The following ATP6V0A1 variants were observed in gnomAD, a reference collection of about 807,000 sequenced individuals.
ATP6V0A1 encodes the protein ATPase H+ transporting V0 subunit a1.
In ATP6V0A1, 43 loss-of-function variants were observed where a neutral mutation model predicts 105.4. The ratio of observed to expected loss-of-function variants is 0.41; its 90% CI spans 0.32 to 0.53. The LOEUF (loss-of-function observed/expected upper bound fraction) is 0.53, where lower values mean the gene tolerates loss of function less well. ATP6V0A1 is among the 20% of genes least tolerant of loss of function. ATP6V0A1 has a pLI of 0.30. For synonymous variants in ATP6V0A1, 362 were observed against 372.8 expected (o/e 0.97, Z 0.33); for missense variants, 676 against 1,051.1 (o/e 0.64, Z 4.93).
chr17:42,467,982 C>T, intron 3 of ATP6V0A1, 28 bp from the exon 4 acceptor site: 2 of 1,511,652 alleles, frequency 1.3e-6, no homozygotes, highest in Admixed American at 3.5e-5. Flanking sequence ...TGCAGTTAGA[C>T]ATGAATGTTT....
Position 42,494,453 on chromosome 17 carries a change from T to A in ATP6V0A1, c.1294T>A (p.Ser432Thr), listed in dbSNP as rs1317586374. Residue 432 changes from serine to threonine, a missense_variant, in exon 12 of 22, where the codon TCC becomes ACC. By Grantham distance (58) the Ser-to-Thr change is moderately conservative. Transcript: ENST00000343619. ...WMVLRESRILSQKNENEMFST... is the reference protein window; with the variant it reads ...WMVLRESRILTQKNENEMFST... ...GGTACTGAGGGAGAGCCGGATCCTTTCCCAGAAGAATGAGAATGAGGTAAT... is the reference window on the plus strand; with the variant it reads ...GGTACTGAGGGAGAGCCGGATCCTTACCCAGAAGAATGAGAATGAGGTAAT... 1 of 1,612,846 alleles carries A rather than the reference T, an allele frequency of 6.2e-7. No homozygotes were observed. The highest frequency in any genetic ancestry group is 1.3e-5 in the African/African-American group (1 of 74,874).
intron 17 of ATP6V0A1, 161 bp from the exon 18 acceptor site, chr17:42,507,359 C>G (rs890802979): frequency 8.8e-6 from 5 of 568,252 alleles, no homozygotes; most frequent in African/African-American, 7.6e-5. Flanking sequence ...TGGGGTGGAA[C>G]AGTTGTTTGA....
chr17:42,484,497 T>G (rs560922014), intron 9 of ATP6V0A1, among the ~76,000 whole-genome samples: 1 of 152,338 alleles, frequency 6.6e-6, no homozygotes, highest in East Asian at 1.9e-4. Context: ...TAGCTCGGCA[T>G]GCATCCTTGC....
At chr17:42,508,403 A>G (rs2092156381) in intron 18 of ATP6V0A1, among the ~76,000 whole-genome samples, 169 bp from the exon 19 acceptor site, 1 of 152,234 alleles carries the variant, frequency 6.6e-6, no homozygotes, top group African/African-American at 2.4e-5. Context: ...AATGCTCTAA[A>G]TTCCTGCTGA....
chr17:42,509,538 G>T (rs2092240128), intron 19 of ATP6V0A1, among the ~76,000 whole-genome samples: 1 of 152,188 alleles, frequency 6.6e-6, no homozygotes, highest in African/African-American at 2.4e-5. Context: ...GCCTAGAGAG[G>T]CTCCTTTGCT....
At chr17:42,508,646 T>C in intron 19 of ATP6V0A1, 57 bp downstream of exon 19, 2 of 1,609,316 alleles carry the variant, frequency 1.2e-6, no homozygotes, top group Non-Finnish European at 8.5e-7. Flanking sequence ...CTTCCCATCC[T>C]TGTGATCACT....
chr17:42,519,021 A>C (rs561813735), intron 21 of ATP6V0A1: 1 of 152,346 alleles, frequency 6.6e-6, no homozygotes, highest in Non-Finnish European at 1.5e-5. Context: ...AGGTGAAATC[A>C]GGCTGACCTC....
chr17:42,477,623 T>G, intron 5 of ATP6V0A1, 37 bp from the exon 6 acceptor site: 1 of 1,608,144 alleles, frequency 6.2e-7, no homozygotes, highest in Middle Eastern at 1.7e-4. Context: ...AGATATTAAT[T>G]GATTTGTGAA....
In ATP6V0A1 at chr17:42,500,715, AGAAGCCCCT is replaced by A; in HGVS notation, c.1692_1700del (p.Lys564_Leu566del). The stretch of plus-strand genomic sequence containing the variant: ...TTCTCTCTCCTTTTTAGCTATTTCA[AGAAGCCCCT>A]GAATATCTACTTTGGATTTATTCCT... On this transcript the variant is annotated inframe_deletion, in exon 16 of 22. Transcript: ENST00000343619. 1 of 1,612,590 alleles carries A rather than the reference AGAAGCCCCT, an allele frequency of 6.2e-7. No homozygotes were observed. The highest frequency in any genetic ancestry group is 8.5e-7 in the Non-Finnish European group (1 of 1,178,712).
At chr17:42,479,470 G>C (rs1192879899) in intron 7 of ATP6V0A1, among the ~76,000 whole-genome samples, 4 of 152,242 alleles carry the variant, frequency 2.6e-5, no homozygotes, top group Non-Finnish European at 5.9e-5. Flanking sequence ...TAGGTATGGT[G>C]AGTCCTGATT....
intron 18 of ATP6V0A1, 94 bp from the exon 19 acceptor site, chr17:42,508,478 T>C: frequency 6.6e-7 from 1 of 1,521,100 alleles, no homozygotes; most frequent in Non-Finnish European, 9.1e-7. Flanking sequence ...ACATGAACAG[T>C]CCTCCCCAAG....
intron 10 of ATP6V0A1, among the ~76,000 whole-genome samples, chr17:42,488,833 C>G (rs2090355187): frequency 6.6e-6 from 1 of 150,572 alleles, no homozygotes; most frequent in Admixed American, 6.6e-5. Flanking sequence ...GCCAACATGA[C>G]AAAACCCCGT....
intron 19 of ATP6V0A1, among the ~76,000 whole-genome samples, chr17:42,513,213 G>A (rs1448023885): frequency 6.6e-6 from 1 of 152,176 alleles, no homozygotes; most frequent in Non-Finnish European, 1.5e-5. Context: ...CTTAACCCAT[G>A]TGGAAATTTG....
intron 5 of ATP6V0A1, among the ~76,000 whole-genome samples, chr17:42,472,026 G>A (rs1406243724): frequency 2.7e-5 from 4 of 150,342 alleles, no homozygotes; most frequent in African/African-American, 9.8e-5. Context: ...AAGAAAACTT[G>A]GCAAAGCTTT....
At chr17:42,475,618 G>T (rs964278411) in intron 5 of ATP6V0A1, among the ~76,000 whole-genome samples, 14 of 152,150 alleles carry the variant, frequency 9.2e-5, no homozygotes, top group African/African-American at 3.4e-4. Flanking sequence ...GAAGCCAAAA[G>T]ATCAGACACC....
In ATP6V0A1 at chr17:42,521,160, C is replaced by G; in HGVS notation, c.*40C>G. 6.6e-7 allele frequency: 1 copy of G among 1,523,644 alleles called. No individual in the cohort carries two copies. 94.4% of individuals were successfully genotyped at this position (1,523,644 alleles called of 1,614,324 possible). A position where few individuals can be genotyped will look rare whatever the true frequency, so the allele number is the denominator to read the frequency against. Reference sequence around the variant, plus strand: ...CGTGTGCCCCATGCTACCCTCCCCGCCTCCCTCCACAGTGATCAGCTGTGC... The same window carrying G: ...CGTGTGCCCCATGCTACCCTCCCCGGCTCCCTCCACAGTGATCAGCTGTGC... On this transcript the variant is annotated 3_prime_UTR_variant, in exon 22 of 22. Coordinates refer to ENST00000343619, the MANE Select transcript of ATP6V0A1 (RefSeq NM_001130021.3). This position sits in a 1 kb window ranked among gnomAD's most constrained non-coding sequence, Gnocchi z 4.8.
At position 42,478,548 on chromosome 17, in the gene ATP6V0A1, C is replaced by T; in HGVS notation, c.592C>T (p.Arg198Ter). ...GGTATGCCGGGGAAATGTGTTCCTG[C>T]GACAGGCTGAAATCGAGAACCCCCT... is the stretch of plus-strand genomic sequence containing the variant. ...WRVCRGNVFL[R>*]QAEIENPLED... The change falls in exon 7 of 22, where the codon CGA becomes TGA. Residue 198 changes from arginine (R) to a stop codon, truncating the protein, a stop_gained. Transcript: ENST00000343619. LOFTEE classifies it high-confidence loss of function. 2.5e-6 allele frequency: 4 copies of T among 1,605,306 alleles called. No homozygotes were observed. The highest frequency in any genetic ancestry group is 1.1e-5 in the South Asian group (1 of 90,368).
chr17:42,463,503 G>A (rs529707902), intron 2 of ATP6V0A1, among the ~76,000 whole-genome samples: 15 of 152,230 alleles, frequency 9.9e-5, no homozygotes, highest in Admixed American at 9.2e-4. Flanking sequence ...GCATGTATCC[G>A]TAGTTCATTT....
Position 42,463,257 on chromosome 17 carries a change from C to T in ATP6V0A1, c.117+2246C>T, listed in dbSNP as rs915555920. ...CCTGACCTCAGGTGATCCATCCCCC[C>T]TCAGCCTCCCAAAGTGCTAGGATTA... On this transcript the variant is annotated intron_variant, in intron 2 of 21. Transcript: ENST00000343619. Among the ~76,000 whole-genome samples the T allele has an allele frequency of 8.5e-5, 13 of 152,048 alleles. No individual in the cohort carries two copies. The East Asian group carries it at 9.7e-4, about 11-fold the overall frequency.
Sources: gnomAD v4.1 joint callset for allele counts (sites outside exome capture counted in the v4.1 genomes callset) on GRCh38, gnomAD v4.1.1 for gene constraint, Gnocchi (gnomAD v3.1) non-coding constraint, MANE v1.5 for transcripts, NCBI Gene and HGNC (gene_info 2026-07-23, HGNC 2026-07-21) for gene names.